CNTNAP4: variants seen among roughly 807,000 people sequenced by gnomAD.
CNTNAP4 encodes the protein contactin-associated protein-like 4.
In CNTNAP4, 98 loss-of-function variants were observed where a neutral mutation model predicts 148.4. The ratio of observed to expected loss-of-function variants is 0.66; its 90% CI spans 0.56 to 0.78. The LOEUF (loss-of-function observed/expected upper bound fraction) is 0.78. Ranked by LOEUF, CNTNAP4 falls within the 30% of genes least tolerant of loss-of-function variation. CNTNAP4 has a pLI of 0.00. For missense variants in CNTNAP4, 1,935 were observed against 1,565.6 expected (o/e 1.24, Z -3.98); for synonymous variants, 730 against 565.1 (o/e 1.29, Z -4.14).
At chr16:76,283,844 C>A (rs1008015740) in intron 1 of CNTNAP4, among the ~76,000 whole-genome samples, 11 of 151,928 alleles carry the variant, frequency 7.2e-5, no homozygotes, top group African/African-American at 2.4e-4. Flanking sequence ...AAGTCCTTCA[C>A]TATCCTTTAA....
intron 4 of CNTNAP4, among the ~76,000 whole-genome samples, chr16:76,445,782 C>T (rs974541212): frequency 2.6e-5 from 4 of 152,106 alleles, no homozygotes; most frequent in Non-Finnish European, 1.5e-5. Flanking sequence ...ATAGTCTTTA[C>T]CTAAAATGAA....
chr16:76,389,527 C>T (rs183932746), intron 3 of CNTNAP4, among the ~76,000 whole-genome samples: 2 of 152,274 alleles, frequency 1.3e-5, no homozygotes, highest in Admixed American at 6.5e-5. Flanking sequence ...GATCTCAGCT[C>T]ACTGCAACAT....
At chr16:76,412,659 G>A (rs1653354357) in intron 3 of CNTNAP4, among the ~76,000 whole-genome samples, 1 of 137,586 alleles carries the variant, frequency 7.3e-6, no homozygotes, top group Non-Finnish European at 1.7e-5. Context: ...GATTTGTTAG[G>A]CATTTAAATA....
intron 4 of CNTNAP4, among the ~76,000 whole-genome samples, chr16:76,446,413 T>G (rs1204216330): frequency 6.6e-6 from 1 of 152,206 alleles, no homozygotes; most frequent in African/African-American, 2.4e-5. Flanking sequence ...TTGTGAAATG[T>G]AGACAATACC....
chr16:76,435,603 G>T (rs1034774065), intron 4 of CNTNAP4, among the ~76,000 whole-genome samples: 3 of 152,140 alleles, frequency 2.0e-5, no homozygotes, highest in African/African-American at 7.2e-5. Flanking sequence ...TTTGCAAGGT[G>T]TTGGTCAAGG....
chr16:76,465,242 G>T (rs1889786010), intron 9 of CNTNAP4, among the ~76,000 whole-genome samples: 1 of 152,084 alleles, frequency 6.6e-6, no homozygotes, highest in Non-Finnish European at 1.5e-5. Flanking sequence ...TCCTATTTTA[G>T]GACTTTCATC....
intron 2 of CNTNAP4, among the ~76,000 whole-genome samples, chr16:76,341,721 A>G (rs1379350689): frequency 6.6e-6 from 1 of 152,106 alleles, no homozygotes; most frequent in South Asian, 2.1e-4. Flanking sequence ...AGAAAAATAG[A>G]TTTAGTCTTC....
intron 8 of CNTNAP4, among the ~76,000 whole-genome samples, chr16:76,455,580 A>G (rs1307930153): frequency 6.6e-6 from 1 of 152,220 alleles, no homozygotes; most frequent in East Asian, 1.9e-4. Context: ...AGTGATGGGT[A>G]CCAACCACCT....
Position 76,522,224 on chromosome 16 carries a change from G to C in CNTNAP4, c.2722G>C (p.Val908Leu). The C allele has an allele frequency of 1.2e-6, 2 of 1,613,942 alleles. No individual in the cohort carries two copies. The highest frequency in any genetic ancestry group is 1.7e-6 in the Non-Finnish European group (2 of 1,179,896). Residue 908 changes from valine to leucine, a missense_variant, in exon 17 of 24, where the codon GTC becomes CTC. Coordinates refer to ENST00000611870, the MANE Select transcript of CNTNAP4 (RefSeq NM_033401.5). ...KTQPAPADGHVLLQLNSQLFV... is the reference protein window; with the variant it reads ...KTQPAPADGHLLLQLNSQLFV... ...ACAGCCCGCCCCCGCTGATGGGCAT[G>C]TCCTGTTACAGCTCAACAGTCAGCT...
At chr16:76,544,581 TTTAG>T (rs1217521582) in intron 21 of CNTNAP4, among the ~76,000 whole-genome samples, 9 of 152,294 alleles carry the variant, frequency 5.9e-5, no homozygotes, top group African/African-American at 1.4e-4. Flanking sequence ...AGATAAAGGT[TTTAG>T]TTAAACAGCT....
At chr16:76,293,217 C>T (rs912555127) in intron 1 of CNTNAP4, among the ~76,000 whole-genome samples, 2 of 151,996 alleles carry the variant, frequency 1.3e-5, no homozygotes, top group Non-Finnish European at 1.5e-5. Context: ...CTCCACCTCC[C>T]GGGTTCGAGC....
At chr16:76,360,588 G>T (rs983638802) in intron 3 of CNTNAP4, among the ~76,000 whole-genome samples, 2 of 152,198 alleles carry the variant, frequency 1.3e-5, no homozygotes, top group African/African-American at 4.8e-5. Flanking sequence ...ATGTCAAGCT[G>T]TCAAACTTAA....
chr16:76,486,671 G>T (rs1372189941), intron 12 of CNTNAP4, among the ~76,000 whole-genome samples: 1 of 152,156 alleles, frequency 6.6e-6, no homozygotes, highest in Non-Finnish European at 1.5e-5. Context: ...AGATGCATTT[G>T]CTTATTTTCT....
At chr16:76,489,092 G>A (rs1253830748) in intron 12 of CNTNAP4, among the ~76,000 whole-genome samples, 1 of 152,114 alleles carries the variant, frequency 6.6e-6, no homozygotes, top group African/African-American at 2.4e-5. Context: ...ATAATTAAAT[G>A]TTGATTAAGG....
At chr16:76,438,789 C>T (rs1266003132) in intron 4 of CNTNAP4, among the ~76,000 whole-genome samples, 1 of 152,092 alleles carries the variant, frequency 6.6e-6, no homozygotes, top group East Asian at 1.9e-4. Flanking sequence ...GGGTTACCTA[C>T]TCAGCTTAAA....
At chr16:76,320,572 A>G (rs1392615724) in intron 2 of CNTNAP4, among the ~76,000 whole-genome samples, 1 of 152,188 alleles carries the variant, frequency 6.6e-6, no homozygotes, top group Non-Finnish European at 1.5e-5. Flanking sequence ...GTTATCTAGA[A>G]AAGATAGCTG....
At chr16:76,300,054 T>C (rs1382669667) in intron 1 of CNTNAP4, among the ~76,000 whole-genome samples, 1 of 151,524 alleles carries the variant, frequency 6.6e-6, no homozygotes, top group Non-Finnish European at 1.5e-5. Flanking sequence ...AAATGATGAG[T>C]TAATGGGTGC....
chr16:76,479,338 T>C, intron 11 of CNTNAP4, 81 bp from the exon 12 acceptor site: 1 of 1,261,330 alleles, frequency 7.9e-7, no homozygotes, highest in East Asian at 2.6e-5. Context: ...AATTTCAAGA[T>C]TTGCGGTATT....
intron 10 of CNTNAP4, among the ~76,000 whole-genome samples, chr16:76,475,168 A>G (rs943602109): frequency 6.7e-6 from 1 of 148,568 alleles, no homozygotes; most frequent in African/African-American, 2.6e-5. Flanking sequence ...CAGAGTGAGC[A>G]GCTGTCTCAA....
Sources: gnomAD v4.1 joint callset for allele counts (sites outside exome capture counted in the v4.1 genomes callset) on GRCh38, gnomAD v4.1.1 for gene constraint, MANE v1.5 for transcripts, NCBI Gene and HGNC (gene_info 2026-07-23, HGNC 2026-07-21) for gene names.